NTM: variants seen among roughly 807,000 people sequenced by gnomAD.
NTM encodes the protein IgLON family member 2.
A neutral mutation model predicts 42.1 loss-of-function variants in NTM; 13 were observed. The ratio of observed to expected loss-of-function variants is 0.31; its 90% CI spans 0.20 to 0.49. The LOEUF (loss-of-function observed/expected upper bound fraction) is 0.49, where lower values mean the gene tolerates loss of function less well. Ranked by LOEUF, NTM falls within the 20% of genes least tolerant of loss-of-function variation. The pLI is 0.99. For missense variants in NTM, 373 were observed against 452.8 expected, an observed-to-expected ratio of 0.82 and a Z score of 1.60; for synonymous variants, 187 against 179.2, an observed-to-expected ratio of 1.04 and a Z score of -0.35.
At position 131,433,336 on chromosome 11, in the gene NTM, G is replaced by A. The variant is rs561300113; in HGVS notation, c.82+62448G>A. Among the ~76,000 whole-genome samples the A allele has an allele frequency of 2.3e-3, 349 of 152,154 alleles. 1 individual carries two copies. The highest frequency in any genetic ancestry group is 7.9e-3 in the African/African-American group (328 of 41,510). ...TATACAACATTCTGTTTTTCCTGGA[G>A]TTACGTATTTTCTGTGTATGTCTAT... is the stretch of plus-strand genomic sequence containing the variant. On this transcript the variant is annotated intron_variant, in intron 1 of 8. Transcript: ENST00000683400.
chr11:131,911,508 G>T, intron 1 of NTM, 56 bp from the exon 2 acceptor site: 1 of 1,614,166 alleles, frequency 6.2e-7, no homozygotes. Flanking sequence ...ACCTGTTCCT[G>T]CCCTGGAAGT....
At chr11:132,282,855 T>A (rs1401722937) in intron 4 of NTM, among the ~76,000 whole-genome samples, 1 of 152,178 alleles carries the variant, frequency 6.6e-6, no homozygotes, top group Non-Finnish European at 1.5e-5. Flanking sequence ...ATATGTGTGT[T>A]TATATAATAT....
At chr11:132,158,019 CT>C (rs2073563140) in intron 3 of NTM, among the ~76,000 whole-genome samples, 1 of 152,176 alleles carries the variant, frequency 6.6e-6, no homozygotes, top group Non-Finnish European at 1.5e-5. Flanking sequence ...AACTGGCCTG[CT>C]TTTTTTGTTC....
intron 4 of NTM, among the ~76,000 whole-genome samples, chr11:132,298,322 TTTTTTA>T (rs1403118474): frequency 3.3e-5 from 5 of 152,206 alleles, no homozygotes; most frequent in Admixed American, 2.0e-4. Flanking sequence ...GCTGATTTAT[TTTTTTA>T]TTTTTATTTT....
chr11:131,669,167 G>C (rs2069650915), intron 1 of NTM, among the ~76,000 whole-genome samples: 1 of 152,082 alleles, frequency 6.6e-6, no homozygotes, highest in South Asian at 2.1e-4. Context: ...AGTTTAACTA[G>C]AAGTTTCCCC....
chr11:132,173,787 C>T (rs2076414951), intron 3 of NTM, among the ~76,000 whole-genome samples: 1 of 152,178 alleles, frequency 6.6e-6, no homozygotes, highest in African/African-American at 2.4e-5. Flanking sequence ...GGCCTCCCAG[C>T]TGCAGAGATA....
chr11:131,889,928 A>T (rs1012828068), intron 1 of NTM, among the ~76,000 whole-genome samples: 3 of 152,004 alleles, frequency 2.0e-5, no homozygotes, highest in South Asian at 2.1e-4. Flanking sequence ...GAAACTTCCT[A>T]CTTAGGCATG....
intron 1 of NTM, among the ~76,000 whole-genome samples, chr11:131,796,992 C>A (rs1434075113): frequency 6.6e-6 from 1 of 152,136 alleles, no homozygotes; most frequent in Non-Finnish European, 1.5e-5. Context: ...CTTTTGTTTT[C>A]TCTTAGTAAA....
intron 1 of NTM, among the ~76,000 whole-genome samples, chr11:131,668,585 C>T (rs1367682185): frequency 6.6e-6 from 1 of 152,128 alleles, no homozygotes; most frequent in Non-Finnish European, 1.5e-5. Flanking sequence ...CTTAAGATGA[C>T]TCCTTTCTTC....
intron 1 of NTM, among the ~76,000 whole-genome samples, chr11:131,797,436 G>A (rs2091689459): frequency 6.6e-6 from 1 of 152,308 alleles, no homozygotes; most frequent in South Asian, 2.1e-4. Context: ...GAGCATTTGA[G>A]TATGACTATG....
rs146840424 is a variant in NTM, at chr11:132,000,265, G to A, written c.167+88617G>A. The stretch of plus-strand genomic sequence containing the variant: ...TTCCAATAGCCTCCTCCCAAAGATA[G>A]GCACATATCTGACACTCCTTTGTCA... On this transcript the variant is annotated intron_variant, in intron 2 of 8. Coordinates refer to ENST00000683400, the MANE Select transcript of NTM (RefSeq NM_001352005.2). 1.4e-4 allele frequency among the ~76,000 whole-genome samples: 22 copies of A among 152,314 alleles called. No individual in the cohort carries two copies. The East Asian group carries it at 4.0e-3, about 28-fold the overall frequency.
At chr11:132,169,629 G>C (rs754523206) in intron 3 of NTM, among the ~76,000 whole-genome samples, 1 of 151,726 alleles carries the variant, frequency 6.6e-6, no homozygotes, top group African/African-American at 2.4e-5. Flanking sequence ...CCACTGTGCC[G>C]GGCCAATTTT....
At chr11:132,005,769 T>C (rs2070628366) in intron 2 of NTM, among the ~76,000 whole-genome samples, 1 of 152,160 alleles carries the variant, frequency 6.6e-6, no homozygotes, top group Non-Finnish European at 1.5e-5. Flanking sequence ...CATTTTCTGT[T>C]TCACCTGCAT....
chr11:131,822,406 A>T (rs1273266237), intron 1 of NTM, among the ~76,000 whole-genome samples: 1 of 152,240 alleles, frequency 6.6e-6, no homozygotes, highest in Non-Finnish European at 1.5e-5. Flanking sequence ...CAGTGTGTAA[A>T]ATGTATAATA....
chr11:131,762,607 C>G (rs1485796142), intron 1 of NTM, among the ~76,000 whole-genome samples: 2 of 152,226 alleles, frequency 1.3e-5, no homozygotes, highest in African/African-American at 4.8e-5. Flanking sequence ...TCGCCCTTCC[C>G]CTTCCTTGGC....
intron 3 of NTM, among the ~76,000 whole-genome samples, chr11:132,203,488 C>A (rs11222974): frequency 6.6e-6 from 1 of 152,118 alleles, no homozygotes; most frequent in Non-Finnish European, 1.5e-5. Context: ...AAAACCTCGG[C>A]TTCTGATATG....
rs576942201 is a variant in NTM, at chr11:131,741,090, G to A, written c.83-170474G>A. On this transcript the variant is annotated intron_variant, in intron 1 of 8. Transcript: ENST00000683400. ...TGAGGCAGGAGAATTGTTTGAACCC[G>A]GGAGGCGGAGGCTGCAGTGAGAAGA... Among the ~76,000 whole-genome samples the A allele has an allele frequency of 5.9e-5, 9 of 151,984 alleles. No homozygotes were observed. In the South Asian group the frequency reaches 8.3e-4, roughly 14 times the overall value.
intron 1 of NTM, among the ~76,000 whole-genome samples, chr11:131,444,174 G>A (rs531299933): frequency 1.4e-4 from 16 of 115,882 alleles, no homozygotes; most frequent in African/African-American, 5.4e-4. Flanking sequence ...GTCAAACCCT[G>A]ATGCTCAACA....
chr11:132,008,159 G>A (rs978459126), intron 2 of NTM, among the ~76,000 whole-genome samples: 3 of 152,172 alleles, frequency 2.0e-5, no homozygotes, highest in East Asian at 1.9e-4. Flanking sequence ...CCACTGTATG[G>A]GGATCATGAC....
Sources: gnomAD v4.1 joint callset for allele counts (sites outside exome capture counted in the v4.1 genomes callset) on GRCh38, gnomAD v4.1.1 for gene constraint, MANE v1.5 for transcripts, NCBI Gene and HGNC (gene_info 2026-07-23, HGNC 2026-07-21) for gene names.